Variants in GTF2IRD1 observed in about 807,000 individuals in gnomAD.
GTF2IRD1 encodes the protein GTF2I repeat domain containing 1, also known as general transcription factor II-I repeat domain-containing protein 1.
A neutral mutation model predicts 113.2 loss-of-function variants in GTF2IRD1; 26 were observed. The observed-to-expected ratio is 0.23, with a 90% CI of 0.17 to 0.32. The LOEUF is 0.32. GTF2IRD1 is among the 10% of genes least tolerant of loss of function. The pLI, the probability that GTF2IRD1 is intolerant of heterozygous loss-of-function variation, is 1.00. For missense variants in GTF2IRD1, 864 were observed against 1,280.8 expected, an observed-to-expected ratio of 0.67 and a Z score of 4.97; for synonymous variants, 484 against 529.1, an observed-to-expected ratio of 0.91 and a Z score of 1.17.
chr7:74,526,574 C>A (rs1485925066), intron 8 of GTF2IRD1, among the ~76,000 whole-genome samples: 1 of 152,186 alleles, frequency 6.6e-6, no homozygotes, highest in African/African-American at 2.4e-5. Context: ...ATGCTGGGAC[C>A]AGGTGAGGGG....
intron 3 of GTF2IRD1, among the ~76,000 whole-genome samples, chr7:74,514,700 A>C (rs1310255198): frequency 1.3e-5 from 2 of 151,686 alleles, no homozygotes; most frequent in Non-Finnish European, 2.9e-5. Context: ...GGTGCCTCCC[A>C]ACCCTCTGCC....
intron 22 of GTF2IRD1, among the ~76,000 whole-genome samples, chr7:74,567,714 A>G (rs1250780515): frequency 6.6e-6 from 1 of 152,062 alleles, no homozygotes; most frequent in Non-Finnish European, 1.5e-5. Flanking sequence ...CAGGTCTAAA[A>G]GGATCACCTT....
rs538916880 is a variant in GTF2IRD1 at position 74,494,377 on chromosome 7, C to T, written c.-6-13698C>T. On this transcript the variant is annotated intron_variant, in intron 1 of 26. Transcript: ENST00000424337. ...CCCCTTGGGCTTCTCTGCTGCCCCC[C>T]GGCCCCTCCAGCACGGTGGCCTCAG... Among the ~76,000 whole-genome samples the T allele has an allele frequency of 2.0e-4, 30 of 152,350 alleles. 1 individual carries two copies. The East Asian group carries it at 4.2e-3, about 22-fold the overall frequency.
At chr7:74,507,986 G>A (rs548223604) in intron 1 of GTF2IRD1, 89 bp from the exon 2 acceptor site, 61 of 1,424,668 alleles carry the variant, frequency 4.3e-5, no homozygotes, top group African/African-American at 1.8e-4. Flanking sequence ...TTGGGAGTCC[G>A]GGGGTCAGGT....
At chr7:74,488,989 A>G (rs1795174865) in intron 1 of GTF2IRD1, among the ~76,000 whole-genome samples, 1 of 151,228 alleles carries the variant, frequency 6.6e-6, no homozygotes, top group Non-Finnish European at 1.5e-5. Context: ...TAAAAATACA[A>G]AAATTAGCCG....
intron 1 of GTF2IRD1, among the ~76,000 whole-genome samples, chr7:74,498,838 C>G (rs1422734794): frequency 6.6e-6 from 1 of 151,876 alleles, no homozygotes; most frequent in African/African-American, 2.4e-5. Context: ...TAGCAATTCT[C>G]CTGCCTCGGC....
intron 1 of GTF2IRD1, among the ~76,000 whole-genome samples, chr7:74,483,385 A>T (rs915619234): frequency 1.1e-4 from 16 of 150,158 alleles, no homozygotes; most frequent in South Asian, 4.2e-4. Flanking sequence ...AAAAAAAAAA[A>T]TTTTTTTTTT....
intron 19 of GTF2IRD1, among the ~76,000 whole-genome samples, chr7:74,556,782 C>T (rs1272741415): frequency 1.3e-5 from 2 of 150,766 alleles, no homozygotes; most frequent in East Asian, 2.0e-4. Flanking sequence ...CACCACCATG[C>T]CTGGCTAATT....
intron 8 of GTF2IRD1, among the ~76,000 whole-genome samples, chr7:74,526,205 C>G (rs1274868773): frequency 6.6e-6 from 1 of 152,216 alleles, no homozygotes; most frequent in African/African-American, 2.4e-5. Context: ...TCTGGACTTT[C>G]CAAAATGCCA....
At chr7:74,508,255 T>C in intron 2 of GTF2IRD1, 52 bp downstream of exon 2, 1 of 1,571,418 alleles carries the variant, frequency 6.4e-7, no homozygotes, top group South Asian at 1.1e-5. Flanking sequence ...CGTCCCCACC[T>C]GCCTTGTAGC....
At chr7:74,560,649 A>G (rs765525215) in intron 22 of GTF2IRD1, among the ~76,000 whole-genome samples, 1 of 151,718 alleles carries the variant, frequency 6.6e-6, no homozygotes, top group African/African-American at 2.4e-5. Flanking sequence ...CAATGGCACT[A>G]TCTCTGCTCA....
At chr7:74,538,622 A>AC in intron 12 of GTF2IRD1, 58 bp from the exon 13 acceptor site, 1 of 971,418 alleles carries the variant, frequency 1.0e-6, no homozygotes, top group Non-Finnish European at 1.7e-6. Flanking sequence ...GGAAAGAGTC[A>AC]CTCTGCCCAG....
chr7:74,583,134 C>T (rs1801513942), intron 22 of GTF2IRD1, among the ~76,000 whole-genome samples: 1 of 152,118 alleles, frequency 6.6e-6, no homozygotes, highest in South Asian at 2.1e-4. Flanking sequence ...TATTGTGGGC[C>T]TTGCACAGTG....
intron 22 of GTF2IRD1, among the ~76,000 whole-genome samples, chr7:74,582,126 G>A (rs1801452936): frequency 6.6e-6 from 1 of 152,252 alleles, no homozygotes; most frequent in Non-Finnish European, 1.5e-5. Context: ...TGCAGCGGGG[G>A]CCACGATTCC....
Position 74,529,765 on chromosome 7 carries a change from C to G in GTF2IRD1, c.1122C>G (p.Pro374=), listed in dbSNP as rs61744518. 3 of 1,613,980 alleles carry G rather than the reference C, an allele frequency of 1.9e-6. No individual in the cohort carries two copies. The highest frequency in any genetic ancestry group is 2.5e-6 in the Non-Finnish European group (3 of 1,179,968). The change falls in exon 9 of 27, where the codon CCC becomes CCG. Residue 374 remains proline, a synonymous_variant. Transcript: ENST00000424337. ...AEALGLDHMV[P]VPYRKIACDP... is the part of the protein sequence containing the mutation. ...CCCTGGGCCTGGACCACATGGTCCC[C>G]GTGCCCTACCGGAAGATTGCCTGTG...
intron 1 of GTF2IRD1, among the ~76,000 whole-genome samples, chr7:74,467,503 A>G (rs1051687979): frequency 1.3e-5 from 2 of 151,044 alleles, no homozygotes; most frequent in Non-Finnish European, 3.0e-5. Context: ...TTATTTATTT[A>G]TTTTGTTTTG....
chr7:74,454,599 C>T (rs1322219156), intron 1 of GTF2IRD1, among the ~76,000 whole-genome samples: 4 of 151,926 alleles, frequency 2.6e-5, no homozygotes, highest in Non-Finnish European at 5.9e-5. Context: ...CCCCCCTCCA[C>T]CTTCTCCCGG....
Position 74,512,980 on chromosome 7 carries a change from C to A in GTF2IRD1, c.265+9C>A. The A allele has an allele frequency of 6.2e-7, 1 of 1,612,504 alleles. No homozygotes were observed. The highest frequency in any genetic ancestry group is 1.1e-5 in the South Asian group (1 of 90,996). ...CTTCCTCAGGTTCTGCCGTGAGTAC[C>A]CCAGGGCTCCGGAGGGCCGGGCCCG... On this transcript the variant is annotated intron_variant, in intron 3 of 26. Coordinates refer to ENST00000424337, the MANE Select transcript of GTF2IRD1 (RefSeq NM_005685.4). This position sits in a 1 kb window ranked among gnomAD's most constrained non-coding sequence, Gnocchi z 4.4.
intron 1 of GTF2IRD1, among the ~76,000 whole-genome samples, chr7:74,479,613 C>T (rs1378862414): frequency 6.6e-6 from 1 of 152,152 alleles, no homozygotes; most frequent in East Asian, 1.9e-4. Context: ...GGGAGGGTCC[C>T]GGCAGCTCAG....
Sources: allele counts gnomAD v4.1 joint callset (sites outside exome capture counted in the v4.1 genomes callset), GRCh38; gene constraint gnomAD v4.1.1; non-coding constraint Gnocchi (gnomAD v3.1); transcripts MANE v1.5; gene names NCBI Gene and HGNC (gene_info 2026-07-23, HGNC 2026-07-21).